The following PTPN4 variants were observed in gnomAD, a reference collection of about 807,000 sequenced individuals.
The protein encoded by PTPN4 is protein tyrosine phosphatase non-receptor type 4.
Under a neutral mutation model 135.5 loss-of-function variants are expected in PTPN4, and 49 were observed. The observed-to-expected ratio is 0.36, with a 90% CI of 0.29 to 0.46. The LOEUF is 0.46. Ranked by LOEUF, PTPN4 falls within the 20% of genes least tolerant of loss-of-function variation. The pLI, the probability that PTPN4 is intolerant of heterozygous loss-of-function variation, is 1.00. For synonymous variants in PTPN4, 333 were observed against 369.9 expected (o/e 0.90, Z 1.14); for missense variants, 860 against 1,101.0 (o/e 0.78, Z 3.10).
intron 2 of PTPN4, among the ~76,000 whole-genome samples, chr2:119,845,709 CTATTT>C (rs1677487987): frequency 6.6e-6 from 1 of 151,934 alleles, no homozygotes; most frequent in African/African-American, 2.4e-5. Context: ...TTTTAATTCT[CTATTT>C]TATACATTTC....
At chr2:119,781,430 T>C (rs1056900388) in intron 1 of PTPN4, among the ~76,000 whole-genome samples, 5 of 152,240 alleles carry the variant, frequency 3.3e-5, no homozygotes, top group Admixed American at 1.3e-4. Flanking sequence ...CTCCTGGTTC[T>C]CAACAATATT....
chr2:119,829,349 C>A (rs1348687893), intron 2 of PTPN4, among the ~76,000 whole-genome samples: 1 of 152,114 alleles, frequency 6.6e-6, no homozygotes, highest in Non-Finnish European at 1.5e-5. Flanking sequence ...ACGAAATTTA[C>A]CACTTTAGCC....
intron 9 of PTPN4, among the ~76,000 whole-genome samples, chr2:119,897,764 G>A (rs1424993967): frequency 2.0e-5 from 3 of 152,162 alleles, no homozygotes; most frequent in Middle Eastern, 6.8e-3. Context: ...CATAGTTAAA[G>A]CTCATCACAA....
At chr2:119,773,470 G>T (rs1361345051) in intron 1 of PTPN4, among the ~76,000 whole-genome samples, 2 of 152,108 alleles carry the variant, frequency 1.3e-5, no homozygotes, top group Admixed American at 1.3e-4. Context: ...GGGCGCGGTG[G>T]CTCATGCCTG....
intron 10 of PTPN4, among the ~76,000 whole-genome samples, chr2:119,901,096 T>C (rs1446657780): frequency 1.3e-5 from 2 of 152,240 alleles, no homozygotes; most frequent in African/African-American, 4.8e-5. Context: ...GCAAATTGTT[T>C]TACCAGCATC....
chr2:119,975,210 C>G (rs1007467554), intron 26 of PTPN4, among the ~76,000 whole-genome samples: 1 of 152,152 alleles, frequency 6.6e-6, no homozygotes. Flanking sequence ...CTCCTTGGCT[C>G]AAATGTTCCT....
At chr2:119,924,356 A>G (rs1037295414) in intron 12 of PTPN4, among the ~76,000 whole-genome samples, 3 of 152,042 alleles carry the variant, frequency 2.0e-5, no homozygotes, top group Non-Finnish European at 4.4e-5. Context: ...GTTTCATTGT[A>G]ATAAAATTAT....
intron 10 of PTPN4, among the ~76,000 whole-genome samples, chr2:119,904,462 A>AT (rs1420330190): frequency 6.6e-6 from 1 of 152,134 alleles, no homozygotes; most frequent in Non-Finnish European, 1.5e-5. Context: ...GGGCAAAGGC[A>AT]TAAAAAAAAA....
chr2:119,950,705 T>A (rs1558772787), intron 18 of PTPN4, among the ~76,000 whole-genome samples: 1 of 152,214 alleles, frequency 6.6e-6, no homozygotes, highest in Admixed American at 6.5e-5. Flanking sequence ...CTATCATTCC[T>A]CAAAATTCAC....
In PTPN4 at chr2:119,932,447, G is replaced by A. The variant is rs532212706; in HGVS notation, c.1094G>A (p.Arg365Gln). The A allele has an allele frequency of 1.7e-4, 281 of 1,608,404 alleles. 1 individual carries two copies. The South Asian group carries it at 2.7e-3, about 15-fold the overall frequency. The change falls in exon 14 of 27, where the codon CGG becomes CAG. Residue 365 changes from arginine (R) to glutamine (Q), a missense_variant. By Grantham distance (43) the Arg-to-Gln change is conservative. This residue lies in a region of PTPN4 where 684 missense variants were observed against 807.0 expected (regional missense o/e 0.85). Coordinates refer to ENST00000263708, the MANE Select transcript of PTPN4 (RefSeq NM_002830.4). ...AGATCCCCAAGTAAGCCCTTGGCAC[G>A]GAAATTAATGGATTGGGAAGTAGTA... ...FARSPSKPLA[R>Q]KLMDWEVVSR...
chr2:119,951,458 C>T (rs1332048564), intron 18 of PTPN4, among the ~76,000 whole-genome samples: 1 of 152,194 alleles, frequency 6.6e-6, no homozygotes, highest in Non-Finnish European at 1.5e-5. Context: ...ACATGCTTTC[C>T]TGTCTGCACT....
Position 119,973,655 on chromosome 2 carries a change from G to GTTTTTTTTTTTTTTTTTTTTTTTT in PTPN4, c.2695-3325_2695-3302dup, listed in dbSNP as rs70949378. On this transcript the variant is annotated intron_variant, in intron 26 of 26. Transcript: ENST00000263708. ...TTGAAAGCTTCCTCCTTCATTTCTT[G>GTTTTTTTTTTTTTTTTTTTTTTTT]TTTTTTTTTTTTTTTTTTTTTTTTT... Among the ~76,000 whole-genome samples the GTTTTTTTTTTTTTTTTTTTTTTTT allele has an allele frequency of 2.3e-4, 9 of 38,392 alleles. 3 individuals are homozygous for GTTTTTTTTTTTTTTTTTTTTTTTT. Among genetic ancestry groups the GTTTTTTTTTTTTTTTTTTTTTTTT allele is most frequent in the African/African-American group, 5.0e-4 (4 of 7,952 alleles). The allele number at this position is 38,392 out of a possible 152,430, so 25.2% of individuals were successfully genotyped here. A position where few individuals can be genotyped will look rare whatever the true frequency, so the allele number is the denominator to read the frequency against.
intron 2 of PTPN4, among the ~76,000 whole-genome samples, chr2:119,847,275 T>TATACACACACAC (rs1553451350): frequency 9.3e-6 from 1 of 107,538 alleles, no homozygotes; most frequent in African/African-American, 3.8e-5. Flanking sequence ...ATACTCTATA[T>TATACACACACAC]ACACACACAC....
intron 1 of PTPN4, among the ~76,000 whole-genome samples, chr2:119,784,545 C>T (rs1469608686): frequency 6.6e-6 from 1 of 151,714 alleles, no homozygotes; most frequent in Non-Finnish European, 1.5e-5. Context: ...TGCCACCATG[C>T]CCGGCTAATT....
At chr2:119,822,996 T>G (rs772677619) in intron 2 of PTPN4, among the ~76,000 whole-genome samples, 2 of 152,222 alleles carry the variant, frequency 1.3e-5, no homozygotes, top group South Asian at 4.1e-4. Flanking sequence ...TTTTGGGGAC[T>G]ATAACAAGAG....
rs1432103745 is a variant in PTPN4 at position 119,978,492 on chromosome 2, T to G, written c.*1422T>G. On this transcript the variant is annotated 3_prime_UTR_variant, in exon 27 of 27. Transcript: ENST00000263708. ...TATACTTATTAAGTTATAAGCATGT[T>G]AATAAGGAGACTTTTGACTGTCCAG... The G allele has an allele frequency of 6.6e-6, 1 of 152,152 alleles. No individual in the cohort carries two copies. Among genetic ancestry groups the G allele is most frequent in the African/African-American group, 2.4e-5 (1 of 41,442 alleles). 9.4% of individuals were successfully genotyped at this position (152,152 alleles called of 1,614,324 possible).
At position 119,843,034 on chromosome 2, in the gene PTPN4, C is replaced by T. The variant is rs564586621; in HGVS notation, c.139-19502C>T. Among the ~76,000 whole-genome samples the T allele has an allele frequency of 2.2e-4, 33 of 152,258 alleles. 2 individuals are homozygous for T. The highest frequency in any genetic ancestry group is 7.8e-4 in the Admixed American group (12 of 15,296). ...ATTACTAACTTGTTAAAAGTTATCA[C>T]GAACGAATGTTGCATTTTTAAAAAT... On this transcript the variant is annotated intron_variant, in intron 2 of 26. Coordinates refer to ENST00000263708, the MANE Select transcript of PTPN4 (RefSeq NM_002830.4).
In PTPN4 at chr2:119,960,115, A is replaced by T. The variant is rs558634861; in HGVS notation, c.2134-692A>T. Reference sequence around the variant, plus strand: ...AAGGCTATATGACAAACAGAAAAAGATTACCTTCCTGGCTGCAAACTAGAA... The same window carrying T: ...AAGGCTATATGACAAACAGAAAAAGTTTACCTTCCTGGCTGCAAACTAGAA... On this transcript the variant is annotated intron_variant, in intron 22 of 26. Coordinates refer to ENST00000263708, the MANE Select transcript of PTPN4 (RefSeq NM_002830.4). 1.8e-3 allele frequency among the ~76,000 whole-genome samples: 275 copies of T among 152,286 alleles called. 1 individual carries two copies. The highest frequency in any genetic ancestry group is 6.8e-3 in the Middle Eastern group (2 of 294).
chr2:119,805,840 G>A (rs1460712556), intron 1 of PTPN4, among the ~76,000 whole-genome samples: 1 of 152,056 alleles, frequency 6.6e-6, no homozygotes, highest in Admixed American at 6.5e-5. Flanking sequence ...AGCTTGATGG[G>A]GATGGCATTG....
Sources: allele counts gnomAD v4.1 joint callset (sites outside exome capture counted in the v4.1 genomes callset), GRCh38; gene constraint gnomAD v4.1.1; regional missense constraint gnomAD v4.1.1; transcripts MANE v1.5; gene names NCBI Gene and HGNC (gene_info 2026-07-23, HGNC 2026-07-21).